NAV1: variants seen among roughly 807,000 people sequenced by gnomAD.
The protein encoded by NAV1 is neuron navigator 1.
NAV1 carries 18 observed loss-of-function variants against 175.2 expected under a neutral mutation model. The ratio of observed to expected loss-of-function variants is 0.10; its 90% CI spans 0.07 to 0.15. The LOEUF is 0.15. Among genes scored for constraint, NAV1 ranks in the 10% least tolerant of loss-of-function variants. The probability of loss-of-function intolerance (pLI) is 1.00; values close to 1 mark genes in which losing one functional copy is unlikely to be tolerated. For synonymous variants in NAV1, 897 were observed against 978.7 expected, an observed-to-expected ratio of 0.92 and a Z score of 1.56; for missense variants, 1,731 against 2,436.6, an observed-to-expected ratio of 0.71 and a Z score of 6.10.
At chr1:201,819,748 G>A in intron 29 of NAV1, 89 bp from the exon 34 acceptor site, 1 of 1,183,602 alleles carries the variant, frequency 8.4e-7, no homozygotes, top group Admixed American at 1.8e-5. Flanking sequence ...GCCTCCCAAA[G>A]TGTTGGGATT....
rs760724060 is a variant in NAV1 at position 201,813,121 on chromosome 1, G to A, written c.5222-19G>A. The A allele has an allele frequency of 2.5e-6, 4 of 1,579,454 alleles. No individual in the cohort carries two copies. In the Admixed American group the frequency reaches 6.7e-5, roughly 26 times the overall value. ...ATCTAGGTTCCCAGCCATCTTCATG[G>A]CCCCATCCTCTTCCCTAGGCCCTTG... On this transcript the variant is annotated intron_variant, in intron 27 of 29. Coordinates refer to ENST00000367296, the Ensembl canonical transcript of NAV1. This position sits in a 1 kb window ranked among gnomAD's most constrained non-coding sequence, Gnocchi z 4.2.
intron 1 of NAV1, among the ~76,000 whole-genome samples, chr1:201,675,029 C>A (rs1349693406): frequency 1.4e-5 from 2 of 143,056 alleles, no homozygotes; most frequent in Non-Finnish European, 3.0e-5. Flanking sequence ...GAGACTCTGT[C>A]TCAAAAAAAA....
chr1:201,794,366 C>T, intron 14 of NAV1, 100 bp from the exon 19 acceptor site: 1 of 1,087,438 alleles, frequency 9.2e-7, no homozygotes, highest in East Asian at 2.4e-5. Flanking sequence ...GTCTTGAACT[C>T]CTGACCTCAG....
exon 30 of NAV1, chr1:201,821,429 G>T (rs1679368135): frequency 6.6e-6 from 1 of 152,210 alleles, no homozygotes; most frequent in Admixed American, 6.6e-5. Flanking sequence ...TGCCTTGAAG[G>T]TCTGGCAATC....
exon 1 of NAV1, chr1:201,623,521 T>G (rs1668237549): frequency 9.1e-6 from 9 of 986,048 alleles, no homozygotes; most frequent in Non-Finnish European, 1.1e-5. Flanking sequence ...CAAGCGCCCC[T>G]CTCCCTCTCC....
chr1:201,594,801 G>T (rs571420), intron 2 of NAV1, among the ~76,000 whole-genome samples: 7,140 of 152,290 alleles, frequency 0.047, 393 homozygotes, highest in East Asian at 0.15. Flanking sequence ...TGAAACTGGG[G>T]CTCTGGGAGC....
Position 201,811,693 on chromosome 1 carries a change from C to T in NAV1, c.4888C>T (p.Leu1630=), listed in dbSNP as rs1207365539. Residue 1630 remains leucine (L), a synonymous_variant, in exon 25 of 30, where the codon CTG becomes TTG. Coordinates refer to ENST00000367296, the Ensembl canonical transcript of NAV1. ...GCCCCTGGTGATTCTATTGGATGAC[C>T]TGAGTGAAGCAGGCTCCATCAGTGA... 15 of 1,613,202 alleles carry T rather than the reference C, an allele frequency of 9.3e-6. No individual in the cohort carries two copies. In the South Asian group the frequency reaches 1.6e-4, roughly 18 times the overall value.
chr1:201,706,354 C>T (rs1181843834), intron 1 of NAV1, among the ~76,000 whole-genome samples: 1 of 151,838 alleles, frequency 6.6e-6, no homozygotes, highest in East Asian at 1.9e-4. Context: ...GATTTGGGAC[C>T]CAGTCCCAAA....
At chr1:201,568,262 T>C (rs960478085) in intron 1 of NAV1, among the ~76,000 whole-genome samples, 3 of 152,152 alleles carry the variant, frequency 2.0e-5, no homozygotes, top group African/African-American at 7.2e-5. Flanking sequence ...GCTCTTCTTG[T>C]CCCTAGCTGG....
chr1:201,811,833 T>C (rs1678713734), intron 25 of NAV1, 70 bp from the exon 30 acceptor site: 1 of 1,612,448 alleles, frequency 6.2e-7, no homozygotes, highest in Admixed American at 1.7e-5. Context: ...ACCTATGAGT[T>C]GTGTGCATGT....
At chr1:201,642,533 C>CTTTTTCTTTT (rs1371467893) in intron 2 of NAV1, among the ~76,000 whole-genome samples, 12 of 107,956 alleles carry the variant, frequency 1.1e-4, no homozygotes, top group African/African-American at 4.2e-4. Flanking sequence ...TTTTTTCTTT[C>CTTTTTCTTTT]TTTCTTTCTT....
At chr1:201,607,911 T>C (rs1667734671) in intron 2 of NAV1, among the ~76,000 whole-genome samples, 1 of 149,680 alleles carries the variant, frequency 6.7e-6, no homozygotes, top group South Asian at 2.1e-4. Flanking sequence ...TGTGTGTGTG[T>C]GTGTTATGAA....
chr1:201,557,752 G>A (rs994403546), intron 1 of NAV1, among the ~76,000 whole-genome samples: 4 of 152,200 alleles, frequency 2.6e-5, no homozygotes, highest in African/African-American at 9.7e-5. Context: ...ATAATGCTGA[G>A]AAATGTCAAA....
chr1:201,728,604 A>C (rs888669408), intron 3 of NAV1, among the ~76,000 whole-genome samples: 5 of 151,312 alleles, frequency 3.3e-5, no homozygotes, highest in African/African-American at 4.8e-5. Context: ...CAAAACAAAA[A>C]AAAAAAAAAA....
intron 2 of NAV1, among the ~76,000 whole-genome samples, chr1:201,589,921 C>T (rs1340454174): frequency 6.6e-6 from 1 of 152,142 alleles, no homozygotes; most frequent in Non-Finnish European, 1.5e-5. Context: ...GAGATGGATT[C>T]TCGCTTTGTC....
intron 2 of NAV1, among the ~76,000 whole-genome samples, chr1:201,598,650 T>C (rs1264116823): frequency 6.6e-6 from 1 of 152,112 alleles, no homozygotes; most frequent in East Asian, 1.9e-4. Context: ...CCTTGGACAA[T>C]CTCTCACACT....
At position 201,650,275 on chromosome 1, in the gene NAV1, G is replaced by A. The variant is rs180863427; in HGVS notation, c.757+850G>A. Among the ~76,000 whole-genome samples, 4 of 152,366 alleles carry A rather than the reference G, an allele frequency of 2.6e-5. No individual in the cohort carries two copies. In the East Asian group the frequency reaches 7.7e-4, roughly 29 times the overall value. On this transcript the variant is annotated intron_variant, in intron 1 of 29. Coordinates refer to ENST00000367296, the Ensembl canonical transcript of NAV1. Reference sequence around the variant, plus strand: ...GTCTATGCAAAAAAACCCGAAGCGGGCCCCGGAACTGCTCTTTCTCTCCCC... The same window carrying A: ...GTCTATGCAAAAAAACCCGAAGCGGACCCCGGAACTGCTCTTTCTCTCCCC...
At chr1:201,634,021 A>G (rs555858121) in intron 2 of NAV1, among the ~76,000 whole-genome samples, 1 of 152,304 alleles carries the variant, frequency 6.6e-6, no homozygotes, top group South Asian at 2.1e-4. Flanking sequence ...AGGCATTGTT[A>G]TAAGCACCTT....
chr1:201,666,360 A>C (rs889859783), intron 1 of NAV1, among the ~76,000 whole-genome samples: 2 of 152,064 alleles, frequency 1.3e-5, no homozygotes, highest in African/African-American at 4.8e-5. Flanking sequence ...TACAAAAAAA[A>C]AAATAAATCA....
Sources: gnomAD v4.1 joint callset for allele counts (sites outside exome capture counted in the v4.1 genomes callset) on GRCh38, gnomAD v4.1.1 for gene constraint, Gnocchi (gnomAD v3.1) non-coding constraint, MANE v1.5 for transcripts, NCBI Gene and HGNC (gene_info 2026-07-23, HGNC 2026-07-21) for gene names.